Variants in RBFOX1 observed in about 807,000 individuals in gnomAD.
The protein encoded by RBFOX1 is RNA binding fox-1 homolog 1.
RBFOX1 carries 8 observed loss-of-function variants against 57.7 expected under a neutral mutation model. That is an observed-to-expected ratio of 0.14 (90% CI 0.08 to 0.25). The LOEUF is 0.25. RBFOX1 is among the 10% of genes least tolerant of loss of function. RBFOX1 has a pLI of 1.00. For synonymous variants in RBFOX1, 326 were observed against 222.4 expected (o/e 1.47, Z -4.15); for missense variants, 611 against 548.5 (o/e 1.11, Z -1.14).
At chr16:7,044,694 C>T (rs779839623) in intron 3 of RBFOX1, among the ~76,000 whole-genome samples, 9 of 147,264 alleles carry the variant, frequency 6.1e-5, no homozygotes, top group Non-Finnish European at 1.3e-4. Flanking sequence ...GCATTACTGC[C>T]ATGGGAGAAA....
intron 3 of RBFOX1, among the ~76,000 whole-genome samples, chr16:6,676,950 A>G (rs1438831564): frequency 2.0e-5 from 3 of 150,968 alleles, no homozygotes; most frequent in Non-Finnish European, 4.4e-5. Context: ...TGCTGGGATT[A>G]CAGGCATGAG....
intron 1 of RBFOX1, among the ~76,000 whole-genome samples, chr16:6,286,488 C>T (rs555819711): frequency 6.6e-6 from 1 of 152,180 alleles, no homozygotes; most frequent in Non-Finnish European, 1.5e-5. Context: ...GTACTAGTAC[C>T]TACCTTGCAA....
At chr16:6,669,989 G>A (rs933768560) in intron 3 of RBFOX1, among the ~76,000 whole-genome samples, 2 of 152,108 alleles carry the variant, frequency 1.3e-5, no homozygotes, top group African/African-American at 2.4e-5. Flanking sequence ...TTACAGTAAG[G>A]AAAATCTATC....
chr16:7,538,668 C>A (rs1208723694), intron 5 of RBFOX1, among the ~76,000 whole-genome samples: 1 of 152,138 alleles, frequency 6.6e-6, no homozygotes, highest in South Asian at 2.1e-4. Flanking sequence ...TGCTGCCTAA[C>A]AAACTACCCC....
chr16:6,279,349 G>A (rs1448862299), intron 1 of RBFOX1, among the ~76,000 whole-genome samples: 1 of 152,128 alleles, frequency 6.6e-6, no homozygotes, highest in Non-Finnish European at 1.5e-5. Context: ...CAAGGCTGGT[G>A]GTGAAAACCC....
rs57100340 is a variant in RBFOX1 at position 5,864,547 on chromosome 16, G to GTT, written c.319-2743_319-2742dup. Among the ~76,000 whole-genome samples, 833 of 144,940 alleles carry GTT rather than the reference G, an allele frequency of 5.7e-3. 1 individual carries two copies. The highest frequency in any genetic ancestry group is 5.4e-3 in the Admixed American group (78 of 14,498). ...AGATGGATGATGTATACATACTTGA[G>GTT]TTTTTTTTTTTTTTAGAAAATGGTA... On this transcript the variant is annotated intron_variant, in intron 3 of 19. Coordinates refer to the RBFOX1 transcript ENST00000641259.
rs1602155212 is a variant in RBFOX1 at position 7,572,030 on chromosome 16, G to A, written c.271-7747G>A. Among the ~76,000 whole-genome samples, 3 of 152,266 alleles carry A rather than the reference G, an allele frequency of 2.0e-5. No homozygotes were observed. The South Asian group carries it at 6.2e-4, about 32-fold the overall frequency. ...TAGTCCCAGCTACTGGGGAGGCTGAGGCAGGAGAATCGCTTGAACCTGGCA... is the reference window on the plus strand; with the variant it reads ...TAGTCCCAGCTACTGGGGAGGCTGAAGCAGGAGAATCGCTTGAACCTGGCA... On this transcript the variant is annotated intron_variant, in intron 5 of 15. Transcript: ENST00000550418.
chr16:5,286,397 C>T (rs1214359269), intron 1 of RBFOX1, among the ~76,000 whole-genome samples: 1 of 152,126 alleles, frequency 6.6e-6, no homozygotes, highest in Non-Finnish European at 1.5e-5. Flanking sequence ...GCTGGCGTTT[C>T]CTCAGGCCTC....
chr16:6,604,709 C>G (rs12444128), intron 2 of RBFOX1, among the ~76,000 whole-genome samples: 2 of 152,048 alleles, frequency 1.3e-5, no homozygotes, highest in African/African-American at 4.8e-5. Flanking sequence ...TGCACACACA[C>G]GTATAATTGT....
chr16:7,425,796 A>AT (rs573865330), intron 4 of RBFOX1, among the ~76,000 whole-genome samples: 14 of 152,066 alleles, frequency 9.2e-5, no homozygotes, highest in African/African-American at 2.9e-4. Context: ...GCCTTCCAGG[A>AT]TTTTTTTTCC....
At chr16:6,685,849 A>C (rs1466700760) in intron 3 of RBFOX1, among the ~76,000 whole-genome samples, 1 of 152,128 alleles carries the variant, frequency 6.6e-6, no homozygotes, top group Non-Finnish European at 1.5e-5. Context: ...TACAATAATA[A>C]ATATTTCTGT....
intron 2 of RBFOX1, among the ~76,000 whole-genome samples, chr16:5,476,339 G>A (rs2069323235): frequency 6.6e-6 from 1 of 152,178 alleles, no homozygotes; most frequent in African/African-American, 2.4e-5. Flanking sequence ...AGTGAGACCA[G>A]ACATTTCTTA....
chr16:6,562,345 A>G (rs1474020305), intron 2 of RBFOX1, among the ~76,000 whole-genome samples: 1 of 152,254 alleles, frequency 6.6e-6, no homozygotes, highest in Non-Finnish European at 1.5e-5. Flanking sequence ...TATTCACTTT[A>G]TAACATTCTT....
intron 11 of RBFOX1, among the ~76,000 whole-genome samples, chr16:7,647,546 G>GA (rs1324879272): frequency 1.0e-3 from 91 of 87,968 alleles, no homozygotes; most frequent in East Asian, 3.0e-3. Flanking sequence ...ATTGAACTAG[G>GA]AAAAAAAAAA....
At position 6,825,315 on chromosome 16, in the gene RBFOX1, C is replaced by T. The variant is rs1305481830; in HGVS notation, c.-16+170665C>T. On this transcript the variant is annotated intron_variant, in intron 3 of 15. Coordinates refer to ENST00000550418, the MANE Select transcript of RBFOX1 (RefSeq NM_018723.4). ...AATGTCTGTAGATATTGCCCATGTT[C>T]CCCTGGGGACAAAAATGGCTGGTGT... Among the ~76,000 whole-genome samples the T allele has an allele frequency of 7.9e-5, 12 of 151,278 alleles. 1 individual carries two copies. The highest frequency in any genetic ancestry group is 1.7e-4 in the African/African-American group (7 of 41,148).
chr16:7,116,784 C>T (rs1451523807), intron 4 of RBFOX1, among the ~76,000 whole-genome samples: 2 of 152,090 alleles, frequency 1.3e-5, no homozygotes, highest in South Asian at 2.1e-4. Flanking sequence ...CTCCTTGATG[C>T]CAGGCATGGT....
intron 2 of RBFOX1, among the ~76,000 whole-genome samples, chr16:6,607,784 C>A (rs1048553688): frequency 2.2e-4 from 34 of 152,284 alleles, no homozygotes; most frequent in African/African-American, 8.2e-4. Flanking sequence ...CAACATAGCT[C>A]CCGAATAATG....
downstream of RBFOX1, among the ~76,000 whole-genome samples, chr16:5,600,675 T>TC (rs2047337887): frequency 6.6e-6 from 1 of 152,026 alleles, no homozygotes; most frequent in South Asian, 2.1e-4. Flanking sequence ...GGTGCTTGTC[T>TC]ATTCCCCCAA....
chr16:6,483,467 G>T (rs532983400), intron 2 of RBFOX1: 3 of 1,535,512 alleles, frequency 2.0e-6, no homozygotes, highest in Non-Finnish European at 8.7e-7. Context: ...GTGTTTTCCC[G>T]GTGAGGAAAC....
Sources: allele counts gnomAD v4.1 joint callset (sites outside exome capture counted in the v4.1 genomes callset), GRCh38; gene constraint gnomAD v4.1.1; transcripts MANE v1.5; gene names NCBI Gene and HGNC (gene_info 2026-07-23, HGNC 2026-07-21).